Variants in RBM47 observed in about 807,000 individuals in gnomAD.
The protein encoded by RBM47 is RNA-binding protein 47.
RBM47 carries 21 observed loss-of-function variants against 47.1 expected under a neutral mutation model. The ratio of observed to expected loss-of-function variants is 0.45; its 90% CI spans 0.32 to 0.64. The LOEUF (loss-of-function observed/expected upper bound fraction) is 0.64, where lower values mean the gene tolerates loss of function less well. RBM47 is among the 30% of genes least tolerant of loss of function. The pLI is 0.05. For synonymous variants in RBM47, 375 were observed against 361.7 expected (o/e 1.04, Z -0.42); for missense variants, 708 against 870.9 (o/e 0.81, Z 2.35).
chr4:40,556,266 C>T (rs1411311513), intron 1 of RBM47, among the ~76,000 whole-genome samples: 1 of 151,892 alleles, frequency 6.6e-6, no homozygotes, highest in Non-Finnish European at 1.5e-5. Context: ...CATCTCCTGA[C>T]CTCAGGTGAT....
chr4:40,484,846 TTTC>T (rs1489938246), intron 2 of RBM47, among the ~76,000 whole-genome samples: 5 of 152,186 alleles, frequency 3.3e-5, no homozygotes, highest in African/African-American at 1.2e-4. Flanking sequence ...CACTTCAGCA[TTTC>T]TTCTTTTCTA....
At chr4:40,600,525 T>G (rs1207698804) in intron 1 of RBM47, among the ~76,000 whole-genome samples, 1 of 150,980 alleles carries the variant, frequency 6.6e-6, no homozygotes, top group African/African-American at 2.4e-5. Context: ...TCCCAGCTAC[T>G]CGGGAGGCTG....
intron 2 of RBM47, among the ~76,000 whole-genome samples, chr4:40,526,789 CTTTTTTTTTT>C (rs540484622): frequency 7.5e-4 from 46 of 61,592 alleles, no homozygotes; most frequent in African/African-American, 2.1e-3. Context: ...CAGTTTGGTT[CTTTTTTTTTT>C]TTTTTTTTTT....
intron 6 of RBM47, among the ~76,000 whole-genome samples, chr4:40,430,034 A>C (rs1715692398): frequency 6.6e-6 from 1 of 152,080 alleles, no homozygotes; most frequent in Non-Finnish European, 1.5e-5. Flanking sequence ...TCCACTAAAA[A>C]AATACAAAAA....
rs999325768 is a variant in RBM47, at chr4:40,546,624, A to G, written c.-239-2118T>C. 2.0e-5 allele frequency among the ~76,000 whole-genome samples: 3 copies of G among 152,210 alleles called. No homozygotes were observed. The South Asian group carries it at 6.2e-4, about 31-fold the overall frequency. The stretch of plus-strand genomic sequence containing the variant: ...TCCAGCTCAGTAATCATTTGTTCCA[A>G]AGTTCTTCCCAATGCAATGGCCAAA... On this transcript the variant is annotated intron_variant, in intron 1 of 6. Transcript: ENST00000295971.
Position 40,621,807 on chromosome 4 carries a change from A to C in RBM47, c.-240+7589T>G, listed in dbSNP as rs780513333. Among the ~76,000 whole-genome samples the C allele has an allele frequency of 2.2e-4, 33 of 152,332 alleles. No individual in the cohort carries two copies. In the Middle Eastern group the frequency reaches 0.017, roughly 79 times the overall value. On this transcript the variant is annotated intron_variant, in intron 1 of 6. Transcript: ENST00000295971. The stretch of plus-strand genomic sequence containing the variant: ...TGCCAAAGAGGAGGCTTTGATTTGG[A>C]AACAGGGAAGCTCTGAAATGGGGAA...
At chr4:40,507,615 C>T (rs1251645935) in intron 2 of RBM47, among the ~76,000 whole-genome samples, 1 of 152,044 alleles carries the variant, frequency 6.6e-6, no homozygotes, top group African/African-American at 2.4e-5. Context: ...GGTGAAACCC[C>T]GTCTCTACTA....
chr4:40,431,129 T>G (rs564614188), intron 6 of RBM47, among the ~76,000 whole-genome samples: 2 of 152,120 alleles, frequency 1.3e-5, no homozygotes, highest in Non-Finnish European at 2.9e-5. Context: ...TTCAATTGGA[T>G]AAGGGATCCT....
In RBM47 at chr4:40,569,045, A is replaced by C. The variant is rs961811556; in HGVS notation, c.-239-24539T>G. Reference sequence around the variant, plus strand: ...CAGACAGACAGACAGACAGACAGACAGACAGATAGATAGATAGTATATGTG... The same window carrying C: ...CAGACAGACAGACAGACAGACAGACCGACAGATAGATAGATAGTATATGTG... On this transcript the variant is annotated intron_variant, in intron 1 of 6. Transcript: ENST00000295971. Among the ~76,000 whole-genome samples, 3 of 149,124 alleles carry C rather than the reference A, an allele frequency of 2.0e-5. 1 individual carries two copies. The highest frequency in any genetic ancestry group is 4.5e-5 in the Non-Finnish European group (3 of 67,270).
intron 2 of RBM47, among the ~76,000 whole-genome samples, chr4:40,511,000 C>T (rs1249041496): frequency 1.3e-5 from 2 of 152,174 alleles, no homozygotes; most frequent in Non-Finnish European, 2.9e-5. Context: ...TATTGCCTTA[C>T]TTAAGATCTT....
At chr4:40,492,390 T>C (rs896042778) in intron 2 of RBM47, among the ~76,000 whole-genome samples, 6 of 151,840 alleles carry the variant, frequency 4.0e-5, no homozygotes, top group Non-Finnish European at 5.9e-5. Flanking sequence ...AAGAAAAAAA[T>C]AATGAAGTCA....
At chr4:40,526,553 TTTTG>T (rs1397812506) in intron 2 of RBM47, among the ~76,000 whole-genome samples, 2 of 152,002 alleles carry the variant, frequency 1.3e-5, no homozygotes, top group Middle Eastern at 3.2e-3. Flanking sequence ...ATTTGTTTCT[TTTTG>T]TTTTTTGTTT....
intron 1 of RBM47, among the ~76,000 whole-genome samples, chr4:40,557,756 A>C (rs1323028669): frequency 2.0e-5 from 3 of 152,190 alleles, no homozygotes; most frequent in Non-Finnish European, 4.4e-5. Flanking sequence ...CCTTAAAAAA[A>C]AAAATTGTTG....
intron 6 of RBM47, among the ~76,000 whole-genome samples, chr4:40,427,989 G>A (rs545774812): frequency 1.3e-5 from 2 of 152,176 alleles, no homozygotes; most frequent in African/African-American, 2.4e-5. Flanking sequence ...CCAGGAGTTC[G>A]AGACCAGCCT....
intron 1 of RBM47, among the ~76,000 whole-genome samples, chr4:40,591,265 A>G (rs975572890): frequency 1.3e-5 from 2 of 152,186 alleles, no homozygotes; most frequent in Non-Finnish European, 2.9e-5. Flanking sequence ...GGAAGTAGGT[A>G]GAGGTGATGG....
chr4:40,508,759 G>T (rs1003934083), intron 2 of RBM47, among the ~76,000 whole-genome samples: 2 of 152,214 alleles, frequency 1.3e-5, no homozygotes, highest in Non-Finnish European at 2.9e-5. Flanking sequence ...CCTTAATCTG[G>T]GTGGTGGTTC....
chr4:40,526,184 AAC>A (rs1264580070), intron 2 of RBM47, among the ~76,000 whole-genome samples: 1 of 152,178 alleles, frequency 6.6e-6, no homozygotes, highest in Non-Finnish European at 1.5e-5. Context: ...CCAAGACCAG[AAC>A]ACACAGACTC....
intron 3 of RBM47, among the ~76,000 whole-genome samples, chr4:40,440,548 T>C (rs567540520): frequency 6.6e-6 from 1 of 152,292 alleles, no homozygotes; most frequent in Admixed American, 6.5e-5. Context: ...AATAAAACTA[T>C]AATGAAACAA....
chr4:40,476,394 G>GA (rs1003130675), intron 2 of RBM47, among the ~76,000 whole-genome samples: 1 of 151,348 alleles, frequency 6.6e-6, no homozygotes, highest in South Asian at 2.1e-4. Context: ...CAGTCTGGGA[G>GA]AAAAAAAATA....
Sources: gnomAD v4.1 joint callset for allele counts (sites outside exome capture counted in the v4.1 genomes callset) on GRCh38, gnomAD v4.1.1 for gene constraint, MANE v1.5 for transcripts, NCBI Gene and HGNC (gene_info 2026-07-23, HGNC 2026-07-21) for gene names.